The following ZNF280C variants were observed in gnomAD, a reference collection of about 807,000 sequenced individuals.
The protein encoded by ZNF280C is suppressor of hairy wing homolog 3.
Under a neutral mutation model 53.6 loss-of-function variants are expected in ZNF280C, and 14 were observed. That is an observed-to-expected ratio of 0.26 (90% CI 0.17 to 0.41). The LOEUF (loss-of-function observed/expected upper bound fraction) is 0.41. Among genes scored for constraint, ZNF280C ranks in the 10% least tolerant of loss-of-function variants. The pLI is 1.00. For missense variants in ZNF280C, 416 were observed against 547.1 expected (o/e 0.76, Z 2.39); for synonymous variants, 203 against 181.1 (o/e 1.12, Z -0.97).
At chrX:130,251,423 G>C (rs934783027) in intron 2 of ZNF280C, among the ~76,000 whole-genome samples, 1 of 110,150 alleles carries the variant, frequency 9.1e-6, no homozygotes, top group Admixed American at 9.7e-5. Context: ...TCTGACATTC[G>C]GCACAATACA....
In ZNF280C at chrX:130,204,385, C is replaced by T. The variant is rs150542819; in HGVS notation, c.*592G>A. 114 of 112,409 alleles carry T rather than the reference C, an allele frequency of 1.0e-3. 1 individual carries two copies. The Middle Eastern group carries it at 0.023, about 22-fold the overall frequency. The allele number at this position is 112,409 out of a possible 1,213,427, so 9.3% of individuals were successfully genotyped here. On this transcript the variant is annotated 3_prime_UTR_variant, in exon 19 of 19. Coordinates refer to ENST00000370978, the MANE Select transcript of ZNF280C (RefSeq NM_017666.5). ...GTCAGTCAGGTAGGAAGGGACTCTCCCCAAGATCTGATTTCTGAAGGCCAC... is the reference window on the plus strand; with the variant it reads ...GTCAGTCAGGTAGGAAGGGACTCTCTCCAAGATCTGATTTCTGAAGGCCAC...
chrX:130,205,429 G>C lies in ZNF280C; in HGVS notation c.2043-14C>G. ...AGAGTAATGCCCCTATGAAAAAAAA[G>C]AAGACAGTAAGAAATATTCTTATCA... On this transcript the variant is annotated splice_polypyrimidine_tract_variant and intron_variant, in intron 16 of 18. Transcript: ENST00000370978. 1 of 1,054,869 alleles carries C rather than the reference G, an allele frequency of 9.5e-7. No homozygotes were observed. 86.9% of individuals were successfully genotyped at this position (1,054,869 alleles called of 1,213,427 possible).
intron 16 of ZNF280C, among the ~76,000 whole-genome samples, chrX:130,205,708 G>A (rs1006568374): frequency 1.8e-5 from 2 of 109,034 alleles, no homozygotes; most frequent in Non-Finnish European, 3.8e-5. Flanking sequence ...GTGAAACCTC[G>A]TCTCTACTAA....
intron 3 of ZNF280C, 122 bp downstream of exon 3, chrX:130,246,737 C>G: frequency 4.8e-6 from 4 of 829,289 alleles, no homozygotes; most frequent in Non-Finnish European, 6.8e-6. Context: ...CTGACCTTTA[C>G]TCTCCCTCTT....
Position 130,237,362 on chromosome X carries a change from A to T in ZNF280C, c.494-723T>A, listed in dbSNP as rs1054343164. ...TTAGAAAATGTAATGGGTATGTCAG[A>T]TAAAGAAACTCTGCTTTTATGTTTT... On this transcript the variant is annotated intron_variant, in intron 6 of 18. Coordinates refer to ENST00000370978, the MANE Select transcript of ZNF280C (RefSeq NM_017666.5). 4.5e-5 allele frequency among the ~76,000 whole-genome samples: 5 copies of T among 111,688 alleles called. No homozygotes were observed. The East Asian group carries it at 1.4e-3, about 31-fold the overall frequency.
intron 16 of ZNF280C, among the ~76,000 whole-genome samples, chrX:130,205,807 T>C (rs2031967264): frequency 1.9e-5 from 2 of 107,755 alleles, no homozygotes; most frequent in Non-Finnish European, 3.8e-5. Flanking sequence ...GAGAATTGCT[T>C]GAACCCAGGA....
At chrX:130,241,755 C>A (rs1204562201) in intron 5 of ZNF280C, among the ~76,000 whole-genome samples, 1 of 111,375 alleles carries the variant, frequency 9.0e-6, no homozygotes, top group Non-Finnish European at 1.9e-5. Context: ...CAGAGCAAGA[C>A]CCTGTCTCTA....
intron 13 of ZNF280C, among the ~76,000 whole-genome samples, chrX:130,217,677 A>C (rs1182398231): frequency 8.9e-6 from 1 of 112,572 alleles, no homozygotes; most frequent in Non-Finnish European, 1.9e-5. Context: ...TGGCAAGTAT[A>C]AACTACAATC....
intron 2 of ZNF280C, among the ~76,000 whole-genome samples, chrX:130,256,966 C>T (rs202005023): frequency 5.5e-5 from 6 of 108,469 alleles, no homozygotes; most frequent in East Asian, 5.8e-4. Context: ...TTTCGGAGGC[C>T]GAGGCAGGCA....
chrX:130,229,178 C>T, intron 9 of ZNF280C, 44 bp from the exon 10 acceptor site: 1 of 1,104,006 alleles, frequency 9.1e-7, no homozygotes, highest in East Asian at 3.0e-5. Context: ...AGACTTATAA[C>T]CAAAGAAAAA....
intron 12 of ZNF280C, among the ~76,000 whole-genome samples, chrX:130,220,938 A>G (rs1456661889): frequency 9.0e-6 from 1 of 110,618 alleles, no homozygotes; most frequent in African/African-American, 3.3e-5. Flanking sequence ...ATTAAAATAT[A>G]TTTTATATTT....
chrX:130,250,328 T>C (rs903200822), intron 2 of ZNF280C, among the ~76,000 whole-genome samples: 1 of 111,281 alleles, frequency 9.0e-6, no homozygotes, highest in Non-Finnish European at 1.9e-5. Context: ...AGAAAAACCA[T>C]TCAAAAGATC....
intron 2 of ZNF280C, among the ~76,000 whole-genome samples, chrX:130,247,291 T>C (rs1399546118): frequency 1.8e-5 from 2 of 110,885 alleles, no homozygotes; most frequent in Non-Finnish European, 3.8e-5. Flanking sequence ...GTATTTTTCG[T>C]AGGGATGGGT....
At chrX:130,229,439 A>G (rs1159304015) in intron 9 of ZNF280C, among the ~76,000 whole-genome samples, 3 of 111,898 alleles carry the variant, frequency 2.7e-5, no homozygotes, top group Non-Finnish European at 3.8e-5. Flanking sequence ...AAAGAAAAAT[A>G]GCAGGCTTCT....
intron 2 of ZNF280C, 23 bp from the exon 3 acceptor site, chrX:130,247,028 C>T: frequency 8.5e-7 from 1 of 1,183,144 alleles, no homozygotes; most frequent in Non-Finnish European, 1.1e-6. Context: ...AGAAGAGAAG[C>T]TAACTTTATT....
At position 130,246,899 on chromosome X, in the gene ZNF280C, G is replaced by A. The variant is rs2032456163; in HGVS notation, c.138C>T (p.Ile46=). Residue 46 remains isoleucine, a synonymous_variant, in exon 3 of 19, where the codon ATC becomes ATT. Transcript: ENST00000370978. ...TTGAACTTGATATCTCTCCAACAAA[G>A]ATCAGTTCATCGTCATCCTCATCCT... ...ETQDEDDDEL[I]FVGEISSSKP... 1.7e-6 allele frequency: 2 copies of A among 1,210,737 alleles called. No individual in the cohort carries two copies. The highest frequency in any genetic ancestry group is 1.1e-6 in the Non-Finnish European group (1 of 895,022).
intron 8 of ZNF280C, among the ~76,000 whole-genome samples, chrX:130,230,943 A>G (rs1040505893): frequency 8.9e-6 from 1 of 111,976 alleles, no homozygotes; most frequent in African/African-American, 3.2e-5. Context: ...ATAACTTCAA[A>G]AACAATATTG....
chrX:130,218,971 T>C lies in ZNF280C; in HGVS notation c.1527+1378A>G, dbSNP rs2032133249. On this transcript the variant is annotated intron_variant, in intron 13 of 18. Transcript: ENST00000370978. ...CTACATTAATATTCTGCATGTCTAA[T>C]ACCAACATGGAACAAATGGATTGCA... is the stretch of plus-strand genomic sequence containing the variant. Among the ~76,000 whole-genome samples the C allele has an allele frequency of 2.7e-5, 3 of 111,962 alleles. No homozygotes were observed. The Admixed American group carries it at 2.9e-4, about 11-fold the overall frequency.
intron 2 of ZNF280C, among the ~76,000 whole-genome samples, chrX:130,256,476 C>T (rs757230112): frequency 9.0e-6 from 1 of 110,572 alleles, no homozygotes; most frequent in East Asian, 2.9e-4. Context: ...CCCAGCTACA[C>T]GGGAGGCAGA....
Sources: gnomAD v4.1 joint callset for allele counts (sites outside exome capture counted in the v4.1 genomes callset) on GRCh38, gnomAD v4.1.1 for gene constraint, MANE v1.5 for transcripts, NCBI Gene and HGNC (gene_info 2026-07-23, HGNC 2026-07-21) for gene names.